NRG3: variants seen among roughly 807,000 people sequenced by gnomAD.
NRG3 encodes neuregulin 3, also known as pro-neuregulin-3, membrane-bound isoform.
NRG3 carries 31 observed loss-of-function variants against 66.9 expected under a neutral mutation model. That is an observed-to-expected ratio of 0.46 (90% CI 0.35 to 0.63). The LOEUF is 0.63. NRG3 is among the 20% of genes least tolerant of loss of function. The pLI is 0.00. For missense variants in NRG3, 910 were observed against 878.9 expected (o/e 1.04, Z -0.45); for synonymous variants, 393 against 359.4 (o/e 1.09, Z -1.06).
intron 1 of NRG3, among the ~76,000 whole-genome samples, chr10:81,962,798 GCT>G (rs1347295614): frequency 1.3e-5 from 2 of 152,282 alleles, no homozygotes; most frequent in East Asian, 1.9e-4. Context: ...AGCTGGTCTT[GCT>G]CTCACATGGC....
At chr10:82,515,330 T>C (rs1390712944) in intron 2 of NRG3, among the ~76,000 whole-genome samples, 1 of 152,224 alleles carries the variant, frequency 6.6e-6, no homozygotes, top group African/African-American at 2.4e-5. Flanking sequence ...ATGAGTAATT[T>C]ACTGTTTTTG....
At chr10:82,151,858 C>T (rs10884254) in intron 1 of NRG3, among the ~76,000 whole-genome samples, 14,190 of 152,138 alleles carry the variant, frequency 0.093, 971 homozygotes, top group African/African-American at 0.18. Context: ...ACTCACTTGT[C>T]GAGGGAGTTT....
chr10:82,362,333 A>G (rs867810646), intron 2 of NRG3, among the ~76,000 whole-genome samples: 1,597 of 135,914 alleles, frequency 0.012, 14 homozygotes, highest in Non-Finnish European at 0.017. Flanking sequence ...GTATATATAT[A>G]TGTGTGTGTG....
chr10:82,299,307 G>A (rs1313456096), intron 1 of NRG3, among the ~76,000 whole-genome samples: 2 of 152,076 alleles, frequency 1.3e-5, no homozygotes, highest in African/African-American at 4.8e-5. Context: ...ATCTCTTTTC[G>A]CACCTATGAG....
chr10:82,721,202 G>A (rs57273834), intron 2 of NRG3, among the ~76,000 whole-genome samples: 13,954 of 120,072 alleles, frequency 0.12, 1,052 homozygotes, highest in African/African-American at 0.24. Context: ...CGTGATCTCC[G>A]CTCACTGCAA....
chr10:82,299,969 C>A (rs769830227), intron 1 of NRG3, among the ~76,000 whole-genome samples: 40 of 151,932 alleles, frequency 2.6e-4, no homozygotes, highest in Non-Finnish European at 5.6e-4. Flanking sequence ...AAACTGTAAA[C>A]CAGATTGGAT....
intron 2 of NRG3, among the ~76,000 whole-genome samples, chr10:82,375,620 G>A (rs1276604281): frequency 2.6e-5 from 4 of 152,236 alleles, no homozygotes; most frequent in Admixed American, 6.5e-5. Context: ...AACGCTAAGT[G>A]AATTTTACAA....
chr10:82,107,242 A>G (rs2067123549), intron 1 of NRG3, among the ~76,000 whole-genome samples: 1 of 152,208 alleles, frequency 6.6e-6, no homozygotes, highest in Admixed American at 6.5e-5. Flanking sequence ...TCGGCATTCA[A>G]AATGTTTTAA....
intron 3 of NRG3, among the ~76,000 whole-genome samples, chr10:82,819,773 T>C (rs555529225): frequency 2.6e-5 from 4 of 152,216 alleles, no homozygotes; most frequent in South Asian, 4.1e-4. Flanking sequence ...TAAGACCTTA[T>C]TGTGGGCTTT....
intron 1 of NRG3, among the ~76,000 whole-genome samples, chr10:81,917,270 C>G (rs1233586069): frequency 1.3e-5 from 2 of 152,196 alleles, no homozygotes; most frequent in Admixed American, 6.5e-5. Flanking sequence ...GAATGCATCT[C>G]TCCTTCCTCG....
chr10:82,785,162 C>G (rs1387742112), intron 3 of NRG3, among the ~76,000 whole-genome samples: 2 of 145,854 alleles, frequency 1.4e-5, no homozygotes, highest in Non-Finnish European at 3.0e-5. Context: ...AATGAGAGCA[C>G]ATGGACACAG....
At chr10:82,429,336 A>G (rs1243523327) in intron 2 of NRG3, among the ~76,000 whole-genome samples, 1 of 152,028 alleles carries the variant, frequency 6.6e-6, no homozygotes, top group East Asian at 1.9e-4. Flanking sequence ...CCTGTCCAGT[A>G]TTCCCCCTTT....
chr10:82,796,061 G>A (rs1264293202), intron 3 of NRG3, among the ~76,000 whole-genome samples: 1 of 151,878 alleles, frequency 6.6e-6, no homozygotes, highest in East Asian at 1.9e-4. Context: ...AAATAATACT[G>A]CATACTGAAG....
chr10:82,508,545 A>G, intron 2 of NRG3, among the ~76,000 whole-genome samples: 1 of 152,178 alleles, frequency 6.6e-6, no homozygotes, highest in Non-Finnish European at 1.5e-5. Flanking sequence ...AAATCCTCAA[A>G]AGTATGTTTG....
chr10:82,890,651 TA>T (rs978519097), intron 4 of NRG3, among the ~76,000 whole-genome samples: 1 of 152,210 alleles, frequency 6.6e-6, no homozygotes, highest in Non-Finnish European at 1.5e-5. Flanking sequence ...CGTTGGACCA[TA>T]AGATATATGT....
chr10:82,190,306 A>G (rs2133342551), intron 1 of NRG3, among the ~76,000 whole-genome samples: 1 of 152,262 alleles, frequency 6.6e-6, no homozygotes, highest in African/African-American at 2.4e-5. Flanking sequence ...GAAAAAAAAA[A>G]TTCAAATTTA....
At chr10:82,121,213 C>A (rs1295307837) in intron 1 of NRG3, among the ~76,000 whole-genome samples, 2 of 152,082 alleles carry the variant, frequency 1.3e-5, no homozygotes, top group Non-Finnish European at 2.9e-5. Flanking sequence ...CCTCTTACAC[C>A]CTCTTGCTCC....
chr10:82,424,219 CTG>C (rs2089270707), intron 2 of NRG3, among the ~76,000 whole-genome samples: 2 of 151,982 alleles, frequency 1.3e-5, no homozygotes, highest in South Asian at 4.1e-4. Context: ...AACTGCCAAA[CTG>C]TTTTCTGTTT....
chr10:82,244,368 T>G (rs991273002), intron 1 of NRG3, among the ~76,000 whole-genome samples: 60 of 152,118 alleles, frequency 3.9e-4, no homozygotes, highest in African/African-American at 1.3e-3. Flanking sequence ...AATCTAGAAT[T>G]TAGAAAGATG....
Sources: allele counts gnomAD v4.1 joint callset (sites outside exome capture counted in the v4.1 genomes callset), GRCh38; gene constraint gnomAD v4.1.1; transcripts MANE v1.5; gene names NCBI Gene and HGNC (gene_info 2026-07-23, HGNC 2026-07-21).